Variants in PKHD1 observed in about 807,000 individuals in gnomAD.
PKHD1 encodes the protein fibrocystin.
A neutral mutation model predicts 412.0 loss-of-function variants in PKHD1; 291 were observed. The ratio of observed to expected loss-of-function variants is 0.71; its 90% CI spans 0.64 to 0.78. The LOEUF is 0.78. PKHD1 is among the 30% of genes least tolerant of loss of function. The pLI is 0.00. For missense variants in PKHD1, 4,825 were observed against 4,950.7 expected (o/e 0.97, Z 0.76); for synonymous variants, 1,777 against 1,821.5 (o/e 0.98, Z 0.62).
intron 52 of PKHD1, among the ~76,000 whole-genome samples, chr6:51,824,739 G>A (rs903457115): frequency 1.6e-4 from 24 of 152,118 alleles, no homozygotes; most frequent in African/African-American, 5.6e-4. Flanking sequence ...GAAAATGCTC[G>A]AAATATGTTT....
intron 55 of PKHD1, among the ~76,000 whole-genome samples, chr6:51,759,971 T>C (rs1196595104): frequency 6.6e-6 from 1 of 152,040 alleles, no homozygotes; most frequent in Non-Finnish European, 1.5e-5. Flanking sequence ...ATAATAGTAG[T>C]GAATTTGGCA....
intron 43 of PKHD1, among the ~76,000 whole-genome samples, chr6:51,896,792 G>T (rs1780120450): frequency 6.7e-6 from 1 of 150,290 alleles, no homozygotes; most frequent in South Asian, 2.1e-4. Flanking sequence ...TGTATAACTA[G>T]AATAACCAAT....
chr6:51,995,994 A>G (rs1224873534), intron 35 of PKHD1, among the ~76,000 whole-genome samples: 1 of 151,624 alleles, frequency 6.6e-6, no homozygotes, highest in East Asian at 1.9e-4. Context: ...TTTCAGAAGG[A>G]TTAAAGAACG....
chr6:51,777,965 C>T (rs1014720645), intron 53 of PKHD1, among the ~76,000 whole-genome samples: 6 of 151,914 alleles, frequency 3.9e-5, no homozygotes, highest in African/African-American at 7.3e-5. Context: ...TGAGAGAAAA[C>T]GAAAGATGAA....
chr6:51,745,268 T>A (rs1177542757), intron 59 of PKHD1, among the ~76,000 whole-genome samples: 5 of 152,184 alleles, frequency 3.3e-5, no homozygotes, highest in African/African-American at 1.2e-4. Flanking sequence ...TGAAACTTAA[T>A]CCTTAATGAA....
intron 61 of PKHD1, among the ~76,000 whole-genome samples, chr6:51,650,578 G>A (rs1770782580): frequency 6.6e-6 from 1 of 152,124 alleles, no homozygotes; most frequent in African/African-American, 2.4e-5. Context: ...AATATGGAGG[G>A]TGCATGTCAG....
At chr6:51,668,957 AT>A (rs1581959936) in intron 60 of PKHD1, among the ~76,000 whole-genome samples, 1 of 152,286 alleles carries the variant, frequency 6.6e-6, no homozygotes, top group East Asian at 1.9e-4. Context: ...CCAGTATTTT[AT>A]TGAGGATTTT....
chr6:51,884,075 G>A (rs1394108934), intron 45 of PKHD1, among the ~76,000 whole-genome samples: 2 of 152,146 alleles, frequency 1.3e-5, no homozygotes, highest in Non-Finnish European at 2.9e-5. Context: ...GCACAAAAGG[G>A]ACTAAGACAC....
chr6:51,904,727 A>C (rs996872371), intron 41 of PKHD1, among the ~76,000 whole-genome samples: 1 of 152,216 alleles, frequency 6.6e-6, no homozygotes, highest in Admixed American at 6.5e-5. Context: ...ACATTCAAGC[A>C]CTAAAGGCTA....
At chr6:51,789,466 G>C (rs1793397969) in intron 53 of PKHD1, among the ~76,000 whole-genome samples, 1 of 151,798 alleles carries the variant, frequency 6.6e-6, no homozygotes, top group Admixed American at 6.6e-5. Flanking sequence ...TTGAAGTTGG[G>C]CCTTTGAAAT....
chr6:51,636,994 T>C (rs987797197), intron 64 of PKHD1, among the ~76,000 whole-genome samples: 1 of 152,202 alleles, frequency 6.6e-6, no homozygotes, highest in Non-Finnish European at 1.5e-5. Flanking sequence ...GTTAGTTCTT[T>C]TTACAGGCTG....
At chr6:51,929,084 G>C (rs1464188964) in intron 37 of PKHD1, among the ~76,000 whole-genome samples, 3 of 152,132 alleles carry the variant, frequency 2.0e-5, no homozygotes, top group Non-Finnish European at 4.4e-5. Context: ...TAAGGAAAGG[G>C]GCAAGAGGAG....
rs10599413 is a variant in PKHD1 at position 51,966,885 on chromosome 6, T to TGATTGGATTGGATTGGATTG, written c.5752-6879_5752-6860dup. On this transcript the variant is annotated intron_variant, in intron 35 of 66. Coordinates refer to ENST00000371117, the MANE Select transcript of PKHD1 (RefSeq NM_138694.4). The stretch of plus-strand genomic sequence containing the variant: ...GATATGGAGTGATCAGAGACTGCTC[T>TGATTGGATTGGATTGGATTG]GATTGGATTGGATTGGATTGGATTG... Among the ~76,000 whole-genome samples, 377 of 149,994 alleles carry TGATTGGATTGGATTGGATTG rather than the reference T, an allele frequency of 2.5e-3. 3 individuals carry two copies. The highest frequency in any genetic ancestry group is 8.8e-3 in the African/African-American group (358 of 40,538).
rs371380418 is a variant in PKHD1 at position 52,056,884 on chromosome 6, T to A, written c.1602+6A>T. ...CCCTCCCTCATTTTTTGAAGAAGTC[T>A]CCCACCAGATGGGCTGTGGCATTTG... On this transcript the variant is annotated splice_donor_region_variant and intron_variant, in intron 17 of 66. Transcript: ENST00000371117. The A allele has an allele frequency of 6.2e-7, 1 of 1,610,282 alleles. No homozygotes were observed. Among genetic ancestry groups the A allele is most frequent in the Admixed American group, 1.7e-5 (1 of 60,018 alleles).
At chr6:52,083,798 C>T (rs1812376911) in intron 2 of PKHD1, among the ~76,000 whole-genome samples, 1 of 151,982 alleles carries the variant, frequency 6.6e-6, no homozygotes, top group Admixed American at 6.6e-5. Flanking sequence ...TTGCACCAAC[C>T]TAATAGAAGC....
rs760108745 is a variant in PKHD1, at chr6:52,070,452, C to T, written c.668-7G>A. The T allele has an allele frequency of 3.1e-6, 5 of 1,605,702 alleles. No individual in the cohort carries two copies. The highest frequency in any genetic ancestry group is 2.6e-6 in the Non-Finnish European group (3 of 1,172,742). ...AAGCTAACATTCTGGGAGCCTGTAACACAAAGAAACACACATTAACTCAGG... is the reference window on the plus strand; with the variant it reads ...AAGCTAACATTCTGGGAGCCTGTAATACAAAGAAACACACATTAACTCAGG... On this transcript the variant is annotated splice_polypyrimidine_tract_variant and splice_region_variant and intron_variant, in intron 9 of 66. Coordinates refer to ENST00000371117, the MANE Select transcript of PKHD1 (RefSeq NM_138694.4).
rs1235104803 is a variant in PKHD1, at chr6:51,726,606, C to T, written c.10156+17779G>A. Among the ~76,000 whole-genome samples, 3 of 152,158 alleles carry T rather than the reference C, an allele frequency of 2.0e-5. No homozygotes were observed. The East Asian group carries it at 5.8e-4, about 29-fold the overall frequency. On this transcript the variant is annotated intron_variant, in intron 60 of 66. Coordinates refer to ENST00000371117, the MANE Select transcript of PKHD1 (RefSeq NM_138694.4). ...GGGCCAGCCCCATATGAACTGTCAACATTTCCTCATAATTTTTCAATCAAA... is the reference window on the plus strand; with the variant it reads ...GGGCCAGCCCCATATGAACTGTCAATATTTCCTCATAATTTTTCAATCAAA...
chr6:51,981,686 C>T (rs1247162244), intron 35 of PKHD1, among the ~76,000 whole-genome samples: 7 of 143,190 alleles, frequency 4.9e-5, no homozygotes, highest in Non-Finnish European at 1.1e-4. Flanking sequence ...ACCTCCCAGC[C>T]GCCTGCCTTG....
intron 49 of PKHD1, among the ~76,000 whole-genome samples, chr6:51,853,664 G>A (rs1772737547): frequency 6.6e-6 from 1 of 151,988 alleles, no homozygotes; most frequent in East Asian, 1.9e-4. Flanking sequence ...TTTCAGTGAG[G>A]TGGTCTTCAA....
Sources: gnomAD v4.1 joint callset for allele counts (sites outside exome capture counted in the v4.1 genomes callset) on GRCh38, gnomAD v4.1.1 for gene constraint, MANE v1.5 for transcripts, NCBI Gene and HGNC (gene_info 2026-07-23, HGNC 2026-07-21) for gene names.